The following SEZ6L variants were observed in gnomAD, a reference collection of about 807,000 sequenced individuals.
SEZ6L encodes seizure related 6 homolog like.
A neutral mutation model predicts 106.2 loss-of-function variants in SEZ6L; 37 were observed. That is an observed-to-expected ratio of 0.35 (90% CI 0.27 to 0.46). SEZ6L has a LOEUF of 0.46. SEZ6L is among the 20% of genes least tolerant of loss of function. SEZ6L has a pLI of 1.00. For synonymous variants in SEZ6L, 541 were observed against 570.4 expected (o/e 0.95, Z 0.73); for missense variants, 1,172 against 1,332.8 (o/e 0.88, Z 1.88).
intron 5 of SEZ6L, 85 bp downstream of exon 5, chr22:26,299,254 A>G (rs1017547212): frequency 2.0e-4 from 233 of 1,148,930 alleles, no homozygotes; most frequent in Middle Eastern, 6.4e-4. Flanking sequence ...GAGTGACCTC[A>G]GGGAATGGCT....
intron 1 of SEZ6L, among the ~76,000 whole-genome samples, chr22:26,290,405 A>G (rs1462914307): frequency 1.3e-5 from 2 of 152,132 alleles, no homozygotes; most frequent in Admixed American, 1.3e-4. Context: ...GGTGGCACGC[A>G]CCTGTGGTCC....
Position 26,314,551 on chromosome 22 carries a change from C to T in SEZ6L, c.2015+649C>T, listed in dbSNP as rs980074465. Among the ~76,000 whole-genome samples the T allele has an allele frequency of 4.6e-5, 7 of 152,066 alleles. No homozygotes were observed. In the South Asian group the frequency reaches 1.0e-3, roughly 23 times the overall value. ...ACTACCCTCTGTTTCCACAGTCTAA[C>T]GCAGAGTCTGATACACAGTAGATGC... On this transcript the variant is annotated intron_variant, in intron 9 of 16. Coordinates refer to ENST00000248933, the MANE Select transcript of SEZ6L (RefSeq NM_021115.5).
chr22:26,340,702 G>A, intron 10 of SEZ6L, 70 bp downstream of exon 10: 3 of 1,336,320 alleles, frequency 2.2e-6, no homozygotes, highest in Non-Finnish European at 3.1e-6. Context: ...TTTCCTCTAG[G>A]TTATTTGGCA....
At chr22:26,301,639 G>A (rs907492394) in intron 5 of SEZ6L, among the ~76,000 whole-genome samples, 5 of 152,120 alleles carry the variant, frequency 3.3e-5, no homozygotes, top group African/African-American at 1.2e-4. Flanking sequence ...CACCTGGGAG[G>A]AGGACAGTGA....
chr22:26,311,119 G>A (rs957774479), intron 7 of SEZ6L, among the ~76,000 whole-genome samples: 1 of 152,184 alleles, frequency 6.6e-6, no homozygotes, highest in Admixed American at 6.5e-5. Flanking sequence ...CATTAGAACT[G>A]TTATTCTATC....
At chr22:26,219,180 C>T (rs565417559) in intron 1 of SEZ6L, among the ~76,000 whole-genome samples, 8 of 150,718 alleles carry the variant, frequency 5.3e-5, no homozygotes, top group African/African-American at 1.2e-4. Flanking sequence ...ACTCACAGGG[C>T]GGCTGTAATG....
intron 9 of SEZ6L, among the ~76,000 whole-genome samples, chr22:26,324,087 CACACACACACACACAA>C (rs1030387146): frequency 5.3e-5 from 8 of 151,328 alleles, no homozygotes; most frequent in Non-Finnish European, 1.0e-4. Flanking sequence ...CACACACACA[CACACACACACACACAA>C]ACACACACAC....
chr22:26,202,821 C>T (rs1941053872), intron 1 of SEZ6L, among the ~76,000 whole-genome samples: 2 of 152,176 alleles, frequency 1.3e-5, no homozygotes, highest in South Asian at 4.1e-4. Context: ...ATCGAGCTTG[C>T]ATAGGACGAG....
chr22:26,339,318 G>T (rs1169813296), intron 9 of SEZ6L, among the ~76,000 whole-genome samples: 3 of 152,166 alleles, frequency 2.0e-5, no homozygotes, highest in Non-Finnish European at 4.4e-5. Flanking sequence ...AAAGAAGACA[G>T]AGAGAGGGAA....
intron 1 of SEZ6L, among the ~76,000 whole-genome samples, chr22:26,218,020 A>T (rs2078348208): frequency 6.6e-6 from 1 of 152,240 alleles, no homozygotes; most frequent in African/African-American, 2.4e-5. Flanking sequence ...GAGCAGAGGT[A>T]AATTAGACAC....
At chr22:26,266,299 G>C (rs1237135247) in intron 1 of SEZ6L, among the ~76,000 whole-genome samples, 2 of 151,770 alleles carry the variant, frequency 1.3e-5, no homozygotes, top group Non-Finnish European at 2.9e-5. Flanking sequence ...GGTGGCTTAC[G>C]CCTGTAATCC....
chr22:26,311,727 C>T (rs778679673), intron 7 of SEZ6L, 41 bp from the exon 8 acceptor site: 6 of 1,561,298 alleles, frequency 3.8e-6, no homozygotes. Context: ...TGGGGTAGTC[C>T]CTGCATCATC....
intron 9 of SEZ6L, among the ~76,000 whole-genome samples, chr22:26,338,873 T>C (rs865831258): frequency 7.9e-6 from 1 of 127,336 alleles, no homozygotes; most frequent in Admixed American, 7.8e-5. Context: ...TTTTCTTTTT[T>C]TTTTTTTTTT....
chr22:26,259,340 A>G (rs1279870309), intron 1 of SEZ6L, among the ~76,000 whole-genome samples: 3 of 152,190 alleles, frequency 2.0e-5, no homozygotes, highest in African/African-American at 2.4e-5. Flanking sequence ...CCATATACCT[A>G]TAGTAATGAT....
chr22:26,380,538 G>T lies in SEZ6L; in HGVS notation c.*243G>T, dbSNP rs1390179501. The T allele has an allele frequency of 7.1e-6, 3 of 419,584 alleles. No individual in the cohort carries two copies. Among genetic ancestry groups the T allele is most frequent in the Non-Finnish European group, 1.3e-5 (3 of 233,576 alleles). 26.0% of individuals were successfully genotyped at this position (419,584 alleles called of 1,614,324 possible). A position where few individuals can be genotyped will look rare whatever the true frequency, so the allele number is the denominator to read the frequency against. ...TGTTACAGCCTCAATTCTGAAGGCA[G>T]GTGGAAGACTTGCAAAATGGCAAAC... On this transcript the variant is annotated 3_prime_UTR_variant, in exon 17 of 17. Transcript: ENST00000248933.
In SEZ6L at chr22:26,380,311, A is replaced by G; in HGVS notation, c.*16A>G. Reference sequence around the variant, plus strand: ...TTCTATCTAAAGAGAGCTACACTTGAGAAGGGGACTTGTGAACTCAACCAC... The same window carrying G: ...TTCTATCTAAAGAGAGCTACACTTGGGAAGGGGACTTGTGAACTCAACCAC... On this transcript the variant is annotated 3_prime_UTR_variant, in exon 17 of 17. Coordinates refer to ENST00000248933, the MANE Select transcript of SEZ6L (RefSeq NM_021115.5). 6.2e-7 allele frequency: 1 copy of G among 1,611,178 alleles called. No homozygotes were observed. Among genetic ancestry groups the G allele is most frequent in the South Asian group, 1.1e-5 (1 of 90,968 alleles).
chr22:26,331,950 A>T (rs1395800463), intron 9 of SEZ6L, among the ~76,000 whole-genome samples: 1 of 152,050 alleles, frequency 6.6e-6, no homozygotes, highest in African/African-American at 2.4e-5. Flanking sequence ...GTGCCACTGC[A>T]CTCCAGCCCG....
At chr22:26,338,884 T>TTTTTTTG (rs2082736625) in intron 9 of SEZ6L, among the ~76,000 whole-genome samples, 1 of 136,836 alleles carries the variant, frequency 7.3e-6, no homozygotes, top group South Asian at 2.2e-4. Context: ...TTTTTTTTTT[T>TTTTTTTG]GTAGAGACAG....
chr22:26,317,336 C>T (rs991372833), intron 9 of SEZ6L, among the ~76,000 whole-genome samples: 1 of 152,000 alleles, frequency 6.6e-6, no homozygotes, highest in African/African-American at 2.4e-5. Context: ...GAAGGTACGA[C>T]CTACTCCTGA....
Sources: gnomAD v4.1 joint callset for allele counts (sites outside exome capture counted in the v4.1 genomes callset) on GRCh38, gnomAD v4.1.1 for gene constraint, MANE v1.5 for transcripts, NCBI Gene and HGNC (gene_info 2026-07-23, HGNC 2026-07-21) for gene names.